TET3: variants seen among roughly 807,000 people sequenced by gnomAD.
TET3 encodes methylcytosine dioxygenase TET3.
In TET3, 19 loss-of-function variants were observed where a neutral mutation model predicts 141.4. The observed-to-expected ratio is 0.13, with a 90% CI of 0.09 to 0.20. The LOEUF (loss-of-function observed/expected upper bound fraction) is 0.20, where lower values mean the gene tolerates loss of function less well. TET3 is among the 10% of genes least tolerant of loss of function. TET3 has a pLI of 1.00. For synonymous variants in TET3, 1,043 were observed against 980.9 expected, an observed-to-expected ratio of 1.06 and a Z score of -1.18; for missense variants, 1,874 against 2,356.9, an observed-to-expected ratio of 0.80 and a Z score of 4.24.
intron 10 of TET3, among the ~76,000 whole-genome samples, chr2:74,096,099 CT>C (rs1464676949): frequency 6.6e-6 from 1 of 152,054 alleles, no homozygotes; most frequent in Non-Finnish European, 1.5e-5. Context: ...CTACCCTTAC[CT>C]TTTGATATTT....
intron 3 of TET3, among the ~76,000 whole-genome samples, chr2:74,026,450 C>T (rs1025292455): frequency 1.1e-4 from 16 of 152,092 alleles, no homozygotes; most frequent in Admixed American, 1.3e-4. Flanking sequence ...AGGTATGTCC[C>T]GAGGGTGAGC....
At chr2:74,120,940 T>C in the TET3 span, 1 of 151,796 alleles carries the variant, frequency 6.6e-6, no homozygotes, top group Non-Finnish European at 1.5e-5. Context: ...CAGATCACCG[T>C]GGAGTTACAA....
At position 73,996,722 on chromosome 2, in the gene TET3, G is replaced by A. The variant is rs147202244; in HGVS notation, c.304-6388G>A. On this transcript the variant is annotated intron_variant, in intron 2 of 11. Transcript: ENST00000409262. The stretch of plus-strand genomic sequence containing the variant: ...AGGGTTTCGCCATGTTGGCCAGGCT[G>A]GTCTTGAACTCCTGGACCTCAGGTG... 2.4e-3 allele frequency among the ~76,000 whole-genome samples: 364 copies of A among 152,306 alleles called. 3 individuals are homozygous for A. Among genetic ancestry groups the A allele is most frequent in the African/African-American group, 8.0e-3 (331 of 41,578 alleles).
At chr2:74,045,124 G>C (rs1395175722) in intron 3 of TET3, among the ~76,000 whole-genome samples, 1 of 152,170 alleles carries the variant, frequency 6.6e-6, no homozygotes, top group Admixed American at 6.5e-5. Flanking sequence ...TATACATTTT[G>C]GCAGGAGTTC....
chr2:74,044,400 GT>G (rs1187605762), intron 3 of TET3, among the ~76,000 whole-genome samples: 2 of 151,988 alleles, frequency 1.3e-5, no homozygotes, highest in African/African-American at 4.8e-5. Flanking sequence ...TATGCATATG[GT>G]TTTTTTCTGA....
intron 6 of TET3, among the ~76,000 whole-genome samples, chr2:74,081,064 A>G (rs1689794797): frequency 6.6e-6 from 1 of 152,220 alleles, no homozygotes; most frequent in Admixed American, 6.5e-5. Context: ...GAAGGCTAGC[A>G]TGCTGAGATC....
At chr2:74,109,383 A>G (rs924137696), downstream of TET3, among the ~76,000 whole-genome samples, 1 of 152,240 alleles carries the variant, frequency 6.6e-6, no homozygotes, top group African/African-American at 2.4e-5. Context: ...ATTTTTTCAA[A>G]TGGAATACAA....
chr2:74,063,776 C>A (rs922231871), intron 4 of TET3, among the ~76,000 whole-genome samples: 39 of 151,656 alleles, frequency 2.6e-4, no homozygotes, highest in African/African-American at 9.0e-4. Flanking sequence ...GAGGGCAGAT[C>A]TGGCCTGGTG....
chr2:74,030,697 G>C (rs1686633564), intron 3 of TET3, among the ~76,000 whole-genome samples: 1 of 152,212 alleles, frequency 6.6e-6, no homozygotes, highest in African/African-American at 2.4e-5. Flanking sequence ...GGTGATGGGG[G>C]TTCAAGGCTC....
At chr2:74,122,764 T>A in the TET3 span, among the ~76,000 whole-genome samples, 1 of 148,730 alleles carries the variant, frequency 6.7e-6, no homozygotes, top group Non-Finnish European at 1.5e-5. Context: ...TTCACCTTGT[T>A]GGCCAGGATG....
At chr2:74,032,666 C>A (rs1210797460) in intron 3 of TET3, among the ~76,000 whole-genome samples, 1 of 152,064 alleles carries the variant, frequency 6.6e-6, no homozygotes, top group African/African-American at 2.4e-5. Context: ...CTCTGTCCAC[C>A]GGCTGCTTGA....
At chr2:74,120,333 G>C in the TET3 span, among the ~76,000 whole-genome samples, 40 of 152,310 alleles carry the variant, frequency 2.6e-4, 1 homozygote, top group East Asian at 2.9e-3. Context: ...ACTTTCCGCC[G>C]GGGTCCCAGC....
chr2:74,038,704 C>T (rs1030293394), intron 3 of TET3, among the ~76,000 whole-genome samples: 1 of 152,150 alleles, frequency 6.6e-6, no homozygotes, highest in African/African-American at 2.4e-5. Flanking sequence ...GAAGCAGTGA[C>T]AGAGCTTTTT....
At chr2:73,989,636 G>A (rs932003951) in intron 2 of TET3, among the ~76,000 whole-genome samples, 7 of 148,470 alleles carry the variant, frequency 4.7e-5, no homozygotes, top group African/African-American at 1.8e-4. Flanking sequence ...CCTGCCCTAG[G>A]AGGCGGTGAC....
chr2:74,078,402 A>G (rs961874392), intron 5 of TET3, among the ~76,000 whole-genome samples: 2 of 152,224 alleles, frequency 1.3e-5, no homozygotes, highest in South Asian at 2.1e-4. Flanking sequence ...AATGTGGTCC[A>G]TTATACCCAC....
the TET3 span, chr2:74,135,446 A>T: frequency 5.6e-6 from 7 of 1,244,270 alleles, no homozygotes; most frequent in Non-Finnish European, 5.8e-6. Context: ...ATTAACATCT[A>T]AATAGATTAT....
In TET3 at chr2:74,073,648, T is replaced by A; in HGVS notation, c.2585+9T>A. 1 of 1,599,518 alleles carries A rather than the reference T, an allele frequency of 6.3e-7. No individual in the cohort carries two copies. The highest frequency in any genetic ancestry group is 8.5e-7 in the Non-Finnish European group (1 of 1,172,776). On this transcript the variant is annotated intron_variant, in intron 5 of 11. Coordinates refer to ENST00000409262, the MANE Select transcript of TET3 (RefSeq NM_001287491.2). ...GAACTCATGGAGGAGCGGTGAGTGATACACAGATGTCCAAGGAGAAATGGA... is the reference window on the plus strand; with the variant it reads ...GAACTCATGGAGGAGCGGTGAGTGAAACACAGATGTCCAAGGAGAAATGGA...
At chr2:73,995,515 G>A (rs535063235) in intron 2 of TET3, among the ~76,000 whole-genome samples, 5 of 152,168 alleles carry the variant, frequency 3.3e-5, no homozygotes, top group Admixed American at 6.5e-5. Context: ...TTTAAGAAGC[G>A]TGCCCTACCT....
upstream of TET3, among the ~76,000 whole-genome samples, chr2:73,983,681 G>A (rs1009686707): frequency 6.6e-6 from 1 of 152,204 alleles, no homozygotes; most frequent in African/African-American, 2.4e-5. Context: ...ATAGCCGGCC[G>A]AATGCTCTTT....
Sources: allele counts gnomAD v4.1 joint callset (sites outside exome capture counted in the v4.1 genomes callset), GRCh38; gene constraint gnomAD v4.1.1; transcripts MANE v1.5; gene names NCBI Gene and HGNC (gene_info 2026-07-23, HGNC 2026-07-21).